The following EBF3 variants were observed in gnomAD, a reference collection of about 807,000 sequenced individuals.
EBF3 encodes EBF transcription factor 3.
Under a neutral mutation model 77.1 loss-of-function variants are expected in EBF3, and 18 were observed. The ratio of observed to expected loss-of-function variants is 0.23; its 90% CI spans 0.16 to 0.35. The LOEUF (loss-of-function observed/expected upper bound fraction) is 0.35. Ranked by LOEUF, EBF3 falls within the 10% of genes least tolerant of loss-of-function variation. EBF3 has a pLI of 1.00. For synonymous variants in EBF3, 350 were observed against 343.5 expected, an observed-to-expected ratio of 1.02 and a Z score of -0.21; for missense variants, 558 against 860.0, an observed-to-expected ratio of 0.65 and a Z score of 4.39.
intron 6 of EBF3, among the ~76,000 whole-genome samples, chr10:129,900,568 C>T (rs1854709302): frequency 6.6e-6 from 1 of 152,218 alleles, no homozygotes; most frequent in Non-Finnish European, 1.5e-5. Flanking sequence ...CCCCAGTGCC[C>T]TGACCTCCTG....
At chr10:129,901,814 G>C (rs1054510346) in intron 6 of EBF3, among the ~76,000 whole-genome samples, 8 of 152,186 alleles carry the variant, frequency 5.3e-5, no homozygotes, top group Admixed American at 5.2e-4. Context: ...GGTGGGCCTC[G>C]TGGCGAGGGC....
intron 6 of EBF3, among the ~76,000 whole-genome samples, chr10:129,949,322 A>C (rs1203532002): frequency 1.3e-5 from 2 of 152,204 alleles, no homozygotes; most frequent in Admixed American, 6.5e-5. Context: ...CACAGAAAAG[A>C]AAAGAAAAGA....
chr10:129,888,537 T>C (rs889861549), intron 6 of EBF3, among the ~76,000 whole-genome samples: 4 of 152,204 alleles, frequency 2.6e-5, no homozygotes, highest in Non-Finnish European at 5.9e-5. Flanking sequence ...ACCTGCGCTT[T>C]TGTGGAGGAA....
chr10:129,908,669 T>A (rs563560568), intron 6 of EBF3, among the ~76,000 whole-genome samples: 3 of 152,352 alleles, frequency 2.0e-5, no homozygotes, highest in Admixed American at 2.0e-4. Flanking sequence ...AGTTCGTTAG[T>A]GGCGTTGATC....
Position 129,841,565 on chromosome 10 carries a change from G to T in EBF3, c.1373-533C>A, listed in dbSNP as rs922058926. On this transcript the variant is annotated intron_variant, in intron 13 of 16. Coordinates refer to ENST00000440978, the MANE Select transcript of EBF3 (RefSeq NM_001375380.1). This position sits in a 1 kb window ranked among gnomAD's most constrained non-coding sequence, Gnocchi z 4.6. ...CAAAATCAGCAATAGTATGGGTGAG[G>T]TGTTTTCTAAGATCACTGCCTGCGC... Among the ~76,000 whole-genome samples, 1 of 152,158 alleles carries T rather than the reference G, an allele frequency of 6.6e-6. No homozygotes were observed. The highest frequency in any genetic ancestry group is 1.5e-5 in the Non-Finnish European group (1 of 68,044).
intron 6 of EBF3, among the ~76,000 whole-genome samples, chr10:129,910,307 G>A (rs143675885): frequency 2.2e-3 from 341 of 152,332 alleles, no homozygotes; most frequent in African/African-American, 7.6e-3. Flanking sequence ...AGAGTTAACC[G>A]CATCTGTTGT....
At chr10:129,910,743 G>T (rs765094031) in intron 6 of EBF3, among the ~76,000 whole-genome samples, 1 of 152,044 alleles carries the variant, frequency 6.6e-6, no homozygotes, top group Non-Finnish European at 1.5e-5. Context: ...CAGACCTTCA[G>T]CACGCTCTAG....
At chr10:129,909,984 C>T (rs1855408598) in intron 6 of EBF3, among the ~76,000 whole-genome samples, 2 of 152,238 alleles carry the variant, frequency 1.3e-5, no homozygotes, top group Non-Finnish European at 2.9e-5. Context: ...GTCAGGGGCT[C>T]GGGCTCTGCT....
chr10:129,946,182 C>T (rs1407272984), intron 6 of EBF3, among the ~76,000 whole-genome samples: 1 of 152,230 alleles, frequency 6.6e-6, no homozygotes, highest in African/African-American at 2.4e-5. Flanking sequence ...GCTGGGCCCT[C>T]GGTCCTGGCC....
intron 6 of EBF3, among the ~76,000 whole-genome samples, chr10:129,940,509 C>T (rs1214675479): frequency 6.6e-6 from 1 of 152,208 alleles, no homozygotes; most frequent in Non-Finnish European, 1.5e-5. Flanking sequence ...TGACCTCAAA[C>T]AAGCTTCTCA....
rs1324446395 is a variant in EBF3, at chr10:129,842,399, C to A, written c.1195-106G>T. 3.4e-5 allele frequency: 44 copies of A among 1,299,624 alleles called. No individual in the cohort carries two copies. The highest frequency in any genetic ancestry group is 2.6e-5 in the Non-Finnish European group (25 of 960,752). 80.5% of individuals were successfully genotyped at this position (1,299,624 alleles called of 1,614,324 possible). A position where few individuals can be genotyped will look rare whatever the true frequency, so the allele number is the denominator to read the frequency against. ...GGCATCCCACTGTCCCTTGCCCAGA[C>A]CATGACCAAATCTATTTCTTAATGG... On this transcript the variant is annotated intron_variant, in intron 12 of 16. Coordinates refer to ENST00000440978, the MANE Select transcript of EBF3 (RefSeq NM_001375380.1). The surrounding 1 kb of genome is among the most constrained non-coding windows in gnomAD (Gnocchi z 4.4).
rs367662301 is a variant in EBF3 at position 129,877,750 on chromosome 10, T to C, written c.636+18A>G. 3.1e-6 allele frequency: 5 copies of C among 1,610,012 alleles called. No homozygotes were observed. In the East Asian group the frequency reaches 1.1e-4, roughly 36 times the overall value. ...AAAAGTCAGGACCACGGTCCACGTGTCTTTGAGAAATGTATACCTGGAATC... is the reference window on the plus strand; with the variant it reads ...AAAAGTCAGGACCACGGTCCACGTGCCTTTGAGAAATGTATACCTGGAATC... On this transcript the variant is annotated intron_variant, in intron 7 of 16. Transcript: ENST00000440978.
At chr10:129,909,395 A>G (rs942258146) in intron 6 of EBF3, among the ~76,000 whole-genome samples, 1 of 152,204 alleles carries the variant, frequency 6.6e-6, no homozygotes, top group African/African-American at 2.4e-5. Context: ...CTTTGTTCAC[A>G]ACCTCTCTGG....
intron 10 of EBF3, among the ~76,000 whole-genome samples, chr10:129,860,559 C>T (rs536849999): frequency 1.5e-4 from 23 of 152,280 alleles, no homozygotes; most frequent in Admixed American, 9.2e-4. Context: ...AGCAGCCAAT[C>T]GGGGTGCAGG....
chr10:129,877,331 A>G (rs555656556), intron 7 of EBF3, among the ~76,000 whole-genome samples: 5 of 152,004 alleles, frequency 3.3e-5, no homozygotes, highest in African/African-American at 1.2e-4. Context: ...TCTCTACTAA[A>G]AATACTGGGT....
At chr10:129,912,135 C>T (rs932723289) in intron 6 of EBF3, among the ~76,000 whole-genome samples, 3 of 152,252 alleles carry the variant, frequency 2.0e-5, no homozygotes, top group Admixed American at 6.5e-5. Flanking sequence ...GAGGTCCTCG[C>T]GCACCAAGAA....
At chr10:129,929,833 A>G (rs540051146) in intron 6 of EBF3, among the ~76,000 whole-genome samples, 1 of 152,350 alleles carries the variant, frequency 6.6e-6, no homozygotes, top group East Asian at 1.9e-4. Flanking sequence ...TGTTTGTTTT[A>G]GGTGTCAACA....
chr10:129,884,510 C>A (rs1284231458), intron 6 of EBF3, among the ~76,000 whole-genome samples: 1 of 152,206 alleles, frequency 6.6e-6, no homozygotes, highest in African/African-American at 2.4e-5. Context: ...TATGCCATGA[C>A]AAATTGCTTT....
At chr10:129,939,233 G>A (rs2134473032) in intron 6 of EBF3, among the ~76,000 whole-genome samples, 1 of 152,288 alleles carries the variant, frequency 6.6e-6, no homozygotes, top group East Asian at 1.9e-4. Flanking sequence ...GTCAGTGCTG[G>A]CTGGCAGCCC....
Sources: allele counts gnomAD v4.1 joint callset (sites outside exome capture counted in the v4.1 genomes callset), GRCh38; gene constraint gnomAD v4.1.1; non-coding constraint Gnocchi (gnomAD v3.1); transcripts MANE v1.5; gene names NCBI Gene and HGNC (gene_info 2026-07-23, HGNC 2026-07-21).